The following RNF138 variants were observed in gnomAD, a reference collection of about 807,000 sequenced individuals.
RNF138 encodes E3 ubiquitin-protein ligase RNF138.
Under a neutral mutation model 31.0 loss-of-function variants are expected in RNF138, and 12 were observed. That is an observed-to-expected ratio of 0.39 (90% CI 0.25 to 0.63). The LOEUF (loss-of-function observed/expected upper bound fraction) is 0.63. Ranked by LOEUF, RNF138 falls within the 20% of genes least tolerant of loss-of-function variation. RNF138 has a pLI of 0.52. For missense variants in RNF138, 192 were observed against 300.1 expected, an observed-to-expected ratio of 0.64 and a Z score of 2.66; for synonymous variants, 105 against 99.5, an observed-to-expected ratio of 1.06 and a Z score of -0.33.
At chr18:32,114,425 C>T (rs947775378) in intron 4 of RNF138, among the ~76,000 whole-genome samples, 2 of 152,014 alleles carry the variant, frequency 1.3e-5, no homozygotes, top group Non-Finnish European at 2.9e-5. Context: ...GAAAAATGGC[C>T]AAAATGCACT....
At chr18:32,101,102 A>G (rs2039930863) in intron 2 of RNF138, among the ~76,000 whole-genome samples, 1 of 152,158 alleles carries the variant, frequency 6.6e-6, no homozygotes, top group African/African-American at 2.4e-5. Context: ...TGCATAGAAC[A>G]TTCTGGGGAG....
chr18:32,126,653 T>C, intron 6 of RNF138, 40 bp from the exon 7 acceptor site: 1 of 1,179,558 alleles, frequency 8.5e-7, no homozygotes, highest in South Asian at 1.3e-5. Context: ...TATTTCATTG[T>C]TTTTATTATT....
chr18:32,115,603 G>A (rs962588345), intron 4 of RNF138, among the ~76,000 whole-genome samples: 1 of 152,122 alleles, frequency 6.6e-6, no homozygotes, highest in Non-Finnish European at 1.5e-5. Context: ...AAATTAGCTG[G>A]ACGTGGTGGC....
rs1157562226 is a variant in RNF138, at chr18:32,130,285, C to T, written c.*1098C>T. 6.6e-6 allele frequency: 1 copy of T among 151,990 alleles called. No individual in the cohort carries two copies. Among genetic ancestry groups the T allele is most frequent in the African/African-American group, 2.4e-5 (1 of 41,304 alleles). The allele number at this position is 151,990 out of a possible 1,614,324, so 9.4% of individuals were successfully genotyped here. On this transcript the variant is annotated 3_prime_UTR_variant, in exon 8 of 8. Coordinates refer to ENST00000261593, the MANE Select transcript of RNF138 (RefSeq NM_016271.5). The stretch of plus-strand genomic sequence containing the variant: ...AGTTATCTAGTTGGCTACTATTACA[C>T]CTTAAAAATTGAGTTTACACACACA...
chr18:32,091,890 T>C lies in RNF138; in HGVS notation c.-423T>C, dbSNP rs2039693460. 6.6e-6 allele frequency: 1 copy of C among 152,084 alleles called. No homozygotes were observed. The highest frequency in any genetic ancestry group is 2.1e-4 in the South Asian group (1 of 4,834). 9.4% of individuals were successfully genotyped at this position (152,084 alleles called of 1,614,324 possible). A position where few individuals can be genotyped will look rare whatever the true frequency, so the allele number is the denominator to read the frequency against. On this transcript the variant is annotated 5_prime_UTR_variant, in exon 1 of 8. Coordinates refer to ENST00000261593, the MANE Select transcript of RNF138 (RefSeq NM_016271.5). ...GCGGAAGGCGCCGTGCGCCGGTTGC[T>C]ATACAGGCCGCACTTCACACCCCGT...
In RNF138 at chr18:32,131,365, T is replaced by C. The variant is rs981327625; in HGVS notation, c.*2178T>C. The stretch of plus-strand genomic sequence containing the variant: ...TTTACAGATTTATGGAAATTAAATT[T>C]ATGGGGAAAAGTTTATTTTTAATAT... On this transcript the variant is annotated 3_prime_UTR_variant, in exon 8 of 8. Coordinates refer to ENST00000261593, the MANE Select transcript of RNF138 (RefSeq NM_016271.5). 9.8e-6 allele frequency: 1 copy of C among 101,638 alleles called. No individual in the cohort carries two copies. Among genetic ancestry groups the C allele is most frequent in the East Asian group, 3.4e-4 (1 of 2,960 alleles). The allele number at this position is 101,638 out of a possible 1,614,324, so 6.3% of individuals were successfully genotyped here.
chr18:32,128,346 T>C (rs996911324), intron 7 of RNF138, among the ~76,000 whole-genome samples: 1 of 152,210 alleles, frequency 6.6e-6, no homozygotes, highest in African/African-American at 2.4e-5. Context: ...AAGACCAGCC[T>C]GGCCAACATG....
At chr18:32,122,115 C>A (rs1021032955) in intron 4 of RNF138, among the ~76,000 whole-genome samples, 2 of 152,120 alleles carry the variant, frequency 1.3e-5, no homozygotes, top group Non-Finnish European at 2.9e-5. Context: ...GATCCACCCG[C>A]CTCAGCCTTG....
chr18:32,130,522 A>G lies in RNF138; in HGVS notation c.*1335A>G, dbSNP rs141859704. 22 of 152,578 alleles carry G rather than the reference A, an allele frequency of 1.4e-4. No individual in the cohort carries two copies. The East Asian group carries it at 4.0e-3, about 28-fold the overall frequency. The allele number at this position is 152,578 out of a possible 1,614,324, so 9.5% of individuals were successfully genotyped here. The stretch of plus-strand genomic sequence containing the variant: ...AAGAGTGGATTTGCTGACATTCCAT[A>G]CTAATATACATTGTTTATGCTTTCT... On this transcript the variant is annotated 3_prime_UTR_variant, in exon 8 of 8. Coordinates refer to ENST00000261593, the MANE Select transcript of RNF138 (RefSeq NM_016271.5).
In RNF138 at chr18:32,123,506, G is replaced by T. The variant is rs2040337814; in HGVS notation, c.393-12G>T. ...CTTTGAGGTATTAACTTTTTCCCCT[G>T]TGCTTCTTAAGCAATAGGAGTGAAA... On this transcript the variant is annotated splice_polypyrimidine_tract_variant and intron_variant, in intron 4 of 7. Coordinates refer to ENST00000261593, the MANE Select transcript of RNF138 (RefSeq NM_016271.5). The T allele has an allele frequency of 6.4e-7, 1 of 1,556,214 alleles. No individual in the cohort carries two copies.
At chr18:32,112,006 T>G in intron 3 of RNF138, 87 bp downstream of exon 3, 2 of 1,276,842 alleles carry the variant, frequency 1.6e-6, no homozygotes, top group Non-Finnish European at 2.1e-6. Context: ...GGTGTTTTTT[T>G]TTTTTTTGAA....
At chr18:32,125,703 GGGA>G (rs1239613822) in intron 6 of RNF138, among the ~76,000 whole-genome samples, 1 of 152,126 alleles carries the variant, frequency 6.6e-6, no homozygotes, top group Non-Finnish European at 1.5e-5. Context: ...AGGCCGAGAG[GGGA>G]GGATTGCTTG....
Position 32,107,233 on chromosome 18 carries a change from G to C in RNF138, c.111-4521G>C, listed in dbSNP as rs574731311. 3.6e-5 allele frequency among the ~76,000 whole-genome samples: 5 copies of C among 139,828 alleles called. 1 individual carries two copies. The Admixed American group carries it at 4.0e-4, about 11-fold the overall frequency. 91.7% of individuals were successfully genotyped at this position (139,828 alleles called of 152,430 possible). A position where few individuals can be genotyped will look rare whatever the true frequency, so the allele number is the denominator to read the frequency against. ...CCTCCCGGGTTTAAGCAGTTCTCCT[G>C]CCTCAGCCTCCTGAGTAGCTGGGAC... On this transcript the variant is annotated intron_variant, in intron 2 of 7. Transcript: ENST00000261593.
At position 32,092,222 on chromosome 18, in the gene RNF138, T is replaced by G. The variant is rs1329020419; in HGVS notation, c.-91T>G. ...AAAGCAGCTCCGTCCACAACGCCGCTTCGGGGCTCCTAGGTGAGAGTCTCC... is the reference window on the plus strand; with the variant it reads ...AAAGCAGCTCCGTCCACAACGCCGCGTCGGGGCTCCTAGGTGAGAGTCTCC... On this transcript the variant is annotated 5_prime_UTR_variant, in exon 1 of 8. Coordinates refer to ENST00000261593, the MANE Select transcript of RNF138 (RefSeq NM_016271.5). The G allele has an allele frequency of 1.3e-5, 2 of 152,428 alleles. No homozygotes were observed. The highest frequency in any genetic ancestry group is 4.8e-5 in the African/African-American group (2 of 41,288). The allele number at this position is 152,428 out of a possible 1,614,324, so 9.4% of individuals were successfully genotyped here.
chr18:32,130,403 C>CTACTT lies in RNF138; in HGVS notation c.*1218_*1222dup, dbSNP rs2040454513. The CTACTT allele has an allele frequency of 6.6e-6, 1 of 152,310 alleles. No homozygotes were observed. Among genetic ancestry groups the CTACTT allele is most frequent in the Non-Finnish European group, 1.5e-5 (1 of 67,846 alleles). 9.4% of individuals were successfully genotyped at this position (152,310 alleles called of 1,614,324 possible). A position where few individuals can be genotyped will look rare whatever the true frequency, so the allele number is the denominator to read the frequency against. On this transcript the variant is annotated 3_prime_UTR_variant, in exon 8 of 8. Transcript: ENST00000261593. ...AAAGATTCTACCAACCACTGTTTCA[C>CTACTT]TACTTTTTAGTTAAAATTGGGTATG...
At chr18:32,103,940 G>A (rs1248341098) in intron 2 of RNF138, among the ~76,000 whole-genome samples, 1 of 151,836 alleles carries the variant, frequency 6.6e-6, no homozygotes, top group Non-Finnish European at 1.5e-5. Context: ...ACTCCAGCCT[G>A]GGCGACAGAG....
At chr18:32,092,907 C>G (rs1039436621) in intron 2 of RNF138, 21 bp downstream of exon 2, 4 of 1,406,064 alleles carry the variant, frequency 2.8e-6, no homozygotes, top group Non-Finnish European at 3.8e-6. Flanking sequence ...GCCCCCTCCC[C>G]CTCGCGGAGC....
rs2039966766 is a variant in RNF138 at position 32,102,831 on chromosome 18, A to G, written c.111-8923A>G. Among the ~76,000 whole-genome samples the G allele has an allele frequency of 2.0e-5, 3 of 151,858 alleles. No homozygotes were observed. The South Asian group carries it at 6.2e-4, about 32-fold the overall frequency. ...TTTTCAGTAGAGACGGGGTTTCACC[A>G]TGTTGGCCAGGCTGGTCTTGAACTC... On this transcript the variant is annotated intron_variant, in intron 2 of 7. Coordinates refer to ENST00000261593, the MANE Select transcript of RNF138 (RefSeq NM_016271.5).
chr18:32,103,834 C>T (rs1442428863), intron 2 of RNF138, among the ~76,000 whole-genome samples: 2 of 139,906 alleles, frequency 1.4e-5, no homozygotes, highest in African/African-American at 5.4e-5. Flanking sequence ...GGCGCGGTGG[C>T]GGGCACCTGT....
Sources: gnomAD v4.1 joint callset for allele counts (sites outside exome capture counted in the v4.1 genomes callset) on GRCh38, gnomAD v4.1.1 for gene constraint, MANE v1.5 for transcripts, NCBI Gene and HGNC (gene_info 2026-07-23, HGNC 2026-07-21) for gene names.